Variants in CCDC69 observed in about 807,000 individuals in gnomAD.
The protein encoded by CCDC69 is coiled-coil domain containing 69.
CCDC69 carries 38 observed loss-of-function variants against 40.3 expected under a neutral mutation model. The ratio of observed to expected loss-of-function variants is 0.94; its 90% CI spans 0.73 to 1.24. The LOEUF is 1.24. CCDC69 is among the 50% of genes most tolerant of loss of function. The pLI is 0.00. For synonymous variants in CCDC69, 141 were observed against 138.9 expected, an observed-to-expected ratio of 1.02 and a Z score of -0.11; for missense variants, 389 against 357.9, an observed-to-expected ratio of 1.09 and a Z score of -0.70.
chr5:151,214,049 T>A (rs1752996141), intron 1 of CCDC69, among the ~76,000 whole-genome samples: 1 of 152,170 alleles, frequency 6.6e-6, no homozygotes, highest in Non-Finnish European at 1.5e-5. Flanking sequence ...GCAGATAACT[T>A]GTCAGAAGCT....
At chr5:151,204,772 A>G (rs550307079) in intron 2 of CCDC69, among the ~76,000 whole-genome samples, 1 of 152,378 alleles carries the variant, frequency 6.6e-6, no homozygotes, top group African/African-American at 2.4e-5. Flanking sequence ...TTTGAAAAAG[A>G]AAATTAGATA....
At chr5:151,190,597 C>T (rs1752595355) in intron 4 of CCDC69, among the ~76,000 whole-genome samples, 1 of 143,154 alleles carries the variant, frequency 7.0e-6, no homozygotes, top group African/African-American at 2.6e-5. Flanking sequence ...ACCCAGGAGG[C>T]AGAGTTTGCA....
chr5:151,215,693 G>A (rs1322691240), intron 1 of CCDC69: 4 of 370,330 alleles, frequency 1.1e-5, no homozygotes, highest in Non-Finnish European at 2.3e-5. Context: ...TTGCCTGAAA[G>A]CAGAGAATGA....
chr5:151,215,659 G>T (rs1288386710), intron 1 of CCDC69: 1 of 403,778 alleles, frequency 2.5e-6, no homozygotes, highest in Admixed American at 2.5e-5. Context: ...CAGTGTAAGG[G>T]TGGTTGTAAA....
chr5:151,186,375 GA>G (rs1314856009), intron 5 of CCDC69, among the ~76,000 whole-genome samples: 1 of 145,990 alleles, frequency 6.8e-6, no homozygotes, highest in Admixed American at 6.9e-5. Context: ...GACGGGAGGG[GA>G]GGGGAGGGGG....
intron 2 of CCDC69, among the ~76,000 whole-genome samples, chr5:151,202,583 T>C (rs72792113): frequency 0.014 from 2,099 of 152,264 alleles, 24 homozygotes; most frequent in Non-Finnish European, 0.02. Flanking sequence ...CCTGCTGTTA[T>C]TAAAAATGTA....
Position 151,184,407 on chromosome 5 carries a change from G to A in CCDC69, c.650C>T (p.Thr217Met), listed in dbSNP as rs756451918. The change falls in exon 8 of 9, where the codon ACG becomes ATG. Residue 217 changes from threonine (T) to methionine (M), a missense_variant. Physicochemically the swap from Thr to Met is moderately conservative, Grantham distance 81 (BLOSUM62 -1). Transcript: ENST00000355417. ...EKNLILEEKI[T>M]TLQQENEDLH... ...GTCCTCATTTTCCTGTTGCAGGGTCGTAATTTTTTCCTCCAATATCAGATT... is the reference window on the plus strand; with the variant it reads ...GTCCTCATTTTCCTGTTGCAGGGTCATAATTTTTTCCTCCAATATCAGATT... 18 of 1,613,840 alleles carry A rather than the reference G, an allele frequency of 1.1e-5. No homozygotes were observed. Among genetic ancestry groups the A allele is most frequent in the South Asian group, 4.4e-5 (4 of 91,086 alleles).
intron 2 of CCDC69, among the ~76,000 whole-genome samples, chr5:151,202,558 C>T (rs1226901135): frequency 8.5e-5 from 13 of 152,170 alleles, no homozygotes; most frequent in Non-Finnish European, 1.8e-4. Context: ...CTGCAGTTGG[C>T]TATAGTCTTC....
chr5:151,201,712 T>C (rs747837056), intron 2 of CCDC69, 24 bp from the exon 3 acceptor site: 1 of 1,502,836 alleles, frequency 6.7e-7, no homozygotes, highest in South Asian at 1.2e-5. Context: ...AGCAAAAAAA[T>C]AAAAATAAAA....
chr5:151,198,818 T>C, intron 4 of CCDC69, 179 bp downstream of exon 4: 1 of 538,374 alleles, frequency 1.9e-6, no homozygotes, highest in Non-Finnish European at 3.3e-6. Context: ...CTTAAATCCA[T>C]GCCCCAAAGG....
chr5:151,207,323 G>T (rs1177157765), intron 1 of CCDC69, among the ~76,000 whole-genome samples: 1 of 151,694 alleles, frequency 6.6e-6, no homozygotes, highest in East Asian at 1.9e-4. Context: ...ATGGAGTCTC[G>T]CTCTGTCACC....
At chr5:151,195,343 T>G (rs1404332921) in intron 4 of CCDC69, among the ~76,000 whole-genome samples, 1 of 152,096 alleles carries the variant, frequency 6.6e-6, no homozygotes, top group Non-Finnish European at 1.5e-5. Context: ...GTACAGAAGG[T>G]AGATTTTAGA....
At chr5:151,204,048 G>A (rs1752818723) in intron 2 of CCDC69, among the ~76,000 whole-genome samples, 2 of 150,994 alleles carry the variant, frequency 1.3e-5, no homozygotes, top group Admixed American at 1.3e-4. Flanking sequence ...TTCTTTTTCT[G>A]AGACAGGGTC....
chr5:151,204,760 C>T (rs892015671), intron 2 of CCDC69, among the ~76,000 whole-genome samples: 1 of 152,132 alleles, frequency 6.6e-6, no homozygotes, highest in African/African-American at 2.4e-5. Flanking sequence ...TAGCTCTACT[C>T]ATTTGAAAAA....
At chr5:151,205,616 C>T in intron 1 of CCDC69, 141 bp from the exon 2 acceptor site, 1 of 695,078 alleles carries the variant, frequency 1.4e-6, no homozygotes, top group Non-Finnish European at 2.5e-6. Flanking sequence ...GCGCATTGGG[C>T]TGCCTCGCAG....
intron 8 of CCDC69, among the ~76,000 whole-genome samples, chr5:151,183,948 G>A (rs1326193037): frequency 2.0e-5 from 3 of 152,186 alleles, no homozygotes; most frequent in Admixed American, 6.5e-5. Context: ...GAGTAATTAT[G>A]AGGATTAGAT....
intron 1 of CCDC69, among the ~76,000 whole-genome samples, chr5:151,223,148 G>C (rs1190911319): frequency 5.9e-5 from 9 of 152,176 alleles, no homozygotes. Flanking sequence ...TCCAGGCTCT[G>C]ACCTTCTGGG....
chr5:151,196,765 T>C (rs968525559), intron 4 of CCDC69, among the ~76,000 whole-genome samples: 2 of 152,230 alleles, frequency 1.3e-5, no homozygotes, highest in South Asian at 2.1e-4. Context: ...CTCTTGTGGG[T>C]TGCTGATGGG....
intron 1 of CCDC69, among the ~76,000 whole-genome samples, chr5:151,218,618 A>T (rs1042401602): frequency 6.6e-6 from 1 of 152,230 alleles, no homozygotes; most frequent in African/African-American, 2.4e-5. Flanking sequence ...ATGCACCCTG[A>T]GATGTCAGGG....
Sources: gnomAD v4.1 joint callset for allele counts (sites outside exome capture counted in the v4.1 genomes callset) on GRCh38, gnomAD v4.1.1 for gene constraint, MANE v1.5 for transcripts, NCBI Gene and HGNC (gene_info 2026-07-23, HGNC 2026-07-21) for gene names.